The following FBXO4 variants were observed in gnomAD, a reference collection of about 807,000 sequenced individuals.
The protein encoded by FBXO4 is F-box protein 4.
Under a neutral mutation model 43.7 loss-of-function variants are expected in FBXO4, and 36 were observed. That is an observed-to-expected ratio of 0.82 (90% confidence interval 0.63 to 1.09). FBXO4 has a LOEUF of 1.09. Ranked by LOEUF, FBXO4 falls within the 50% of genes least tolerant of loss-of-function variation. The pLI, the probability that FBXO4 is intolerant of heterozygous loss-of-function variation, is 0.00. For missense variants in FBXO4, 435 were observed against 474.1 expected, an observed-to-expected ratio of 0.92 and a Z score of 0.77; for synonymous variants, 180 against 165.6, an observed-to-expected ratio of 1.09 and a Z score of -0.67.
chr5:41,998,045 A>G, the FBXO4 span, among the ~76,000 whole-genome samples: 1 of 152,136 alleles, frequency 6.6e-6, no homozygotes, highest in African/African-American at 2.4e-5. Flanking sequence ...CAGGCTCCCT[A>G]TCAATTTCAC....
intron 5 of FBXO4, among the ~76,000 whole-genome samples, chr5:41,935,480 G>T (rs924117113): frequency 6.6e-6 from 1 of 152,192 alleles, no homozygotes; most frequent in Admixed American, 6.5e-5. Context: ...GCTGTCTCAA[G>T]GGAGATAGAA....
At chr5:42,040,258 G>T in the FBXO4 span, among the ~76,000 whole-genome samples, 1 of 151,968 alleles carries the variant, frequency 6.6e-6, no homozygotes, top group Non-Finnish European at 1.5e-5. Flanking sequence ...ATATGTGTGT[G>T]TGTTTTTATT....
At chr5:41,988,127 G>T in the FBXO4 span, among the ~76,000 whole-genome samples, 1 of 152,146 alleles carries the variant, frequency 6.6e-6, no homozygotes, top group African/African-American at 2.4e-5. Context: ...GTGGGGGGGA[G>T]AGAAAATGTT....
the FBXO4 span, among the ~76,000 whole-genome samples, chr5:42,035,252 G>A: frequency 9.9e-5 from 15 of 151,876 alleles, no homozygotes; most frequent in Non-Finnish European, 7.4e-5. Context: ...AATGTAGAAG[G>A]GGAATTTGAC....
intron 2 of FBXO4, among the ~76,000 whole-genome samples, chr5:41,928,318 C>T (rs534030298): frequency 6.6e-6 from 1 of 151,518 alleles, no homozygotes; most frequent in Non-Finnish European, 1.5e-5. Context: ...TTTTACAACC[C>T]TGAGTTATTT....
chr5:41,977,568 A>G, the FBXO4 span, among the ~76,000 whole-genome samples: 1 of 152,170 alleles, frequency 6.6e-6, no homozygotes, highest in Non-Finnish European at 1.5e-5. Flanking sequence ...CTAATGCATA[A>G]CAAGTGTGAC....
At chr5:42,028,599 T>G in the FBXO4 span, among the ~76,000 whole-genome samples, 2 of 151,866 alleles carry the variant, frequency 1.3e-5, no homozygotes, top group African/African-American at 4.8e-5. Flanking sequence ...TGCTCATCTC[T>G]TCCTTTTTTC....
At chr5:41,953,857 T>C in the FBXO4 span, among the ~76,000 whole-genome samples, 33 of 152,128 alleles carry the variant, frequency 2.2e-4, 1 homozygote, top group Admixed American at 2.1e-3. Flanking sequence ...TGTTTTTTTC[T>C]TGTAAATTTG....
chr5:42,036,405 TTTGA>T, the FBXO4 span, among the ~76,000 whole-genome samples: 2 of 152,084 alleles, frequency 1.3e-5, no homozygotes, highest in Non-Finnish European at 2.9e-5. Context: ...TGATAAAACG[TTTGA>T]TTGGAAAACA....
chr5:41,933,821 C>T, intron 3 of FBXO4, 125 bp from the exon 4 acceptor site: 1 of 660,060 alleles, frequency 1.5e-6, no homozygotes, highest in Non-Finnish European at 2.6e-6. Flanking sequence ...TTTATTTCAA[C>T]TCTATGTATA....
chr5:41,946,025 T>C (rs1241241980), downstream of FBXO4, among the ~76,000 whole-genome samples: 2 of 152,240 alleles, frequency 1.3e-5, no homozygotes, highest in African/African-American at 4.8e-5. Context: ...TTCATCCCCA[T>C]GTGACCATCT....
chr5:42,019,876 G>T, the FBXO4 span, among the ~76,000 whole-genome samples: 1 of 151,852 alleles, frequency 6.6e-6, no homozygotes, highest in Non-Finnish European at 1.5e-5. Context: ...GAGTGACAAG[G>T]TTAGAGATAT....
chr5:41,946,094 TTAA>T (rs1752073809), downstream of FBXO4, among the ~76,000 whole-genome samples: 2 of 152,294 alleles, frequency 1.3e-5, no homozygotes, highest in African/African-American at 4.8e-5. Context: ...CTCACTAAAC[TTAA>T]TAATAAATGC....
At chr5:41,952,721 TATGTA>T in the FBXO4 span, among the ~76,000 whole-genome samples, 22 of 152,330 alleles carry the variant, frequency 1.4e-4, no homozygotes, top group South Asian at 4.6e-3. Context: ...AATCATAAAA[TATGTA>T]ATATTTTATC....
the FBXO4 span, among the ~76,000 whole-genome samples, chr5:42,025,188 C>T: frequency 2.0e-5 from 3 of 151,932 alleles, no homozygotes; most frequent in South Asian, 6.2e-4. Flanking sequence ...GGATAGGGTT[C>T]CCTTTTCTTC....
chr5:42,028,456 G>C, the FBXO4 span, among the ~76,000 whole-genome samples: 1 of 151,518 alleles, frequency 6.6e-6, no homozygotes, highest in Non-Finnish European at 1.5e-5. Context: ...AGATCAATCG[G>C]TCTTTCTTTT....
the FBXO4 span, among the ~76,000 whole-genome samples, chr5:41,964,470 TA>T: frequency 6.6e-6 from 1 of 152,034 alleles, no homozygotes; most frequent in Non-Finnish European, 1.5e-5. Context: ...CTCAAACTCT[TA>T]AAAATATTTT....
At chr5:42,000,724 G>C in the FBXO4 span, among the ~76,000 whole-genome samples, 1 of 152,012 alleles carries the variant, frequency 6.6e-6, no homozygotes, top group Non-Finnish European at 1.5e-5. Context: ...TTATCATTAA[G>C]TATTTACTCT....
At chr5:41,955,957 A>G in the FBXO4 span, among the ~76,000 whole-genome samples, 1 of 152,204 alleles carries the variant, frequency 6.6e-6, no homozygotes, top group Non-Finnish European at 1.5e-5. Context: ...CCTACAAGGA[A>G]GACCAGAATG....
Sources: allele counts gnomAD v4.1 joint callset (sites outside exome capture counted in the v4.1 genomes callset), GRCh38; gene constraint gnomAD v4.1.1; transcripts MANE v1.5; gene names NCBI Gene and HGNC (gene_info 2026-07-23, HGNC 2026-07-21).